REPS2: variants seen among roughly 807,000 people sequenced by gnomAD.
REPS2 encodes RALBP1 associated Eps domain containing 2.
REPS2 carries 23 observed loss-of-function variants against 53.6 expected under a neutral mutation model. The observed-to-expected ratio is 0.43, with a 90% CI of 0.31 to 0.61. The LOEUF (loss-of-function observed/expected upper bound fraction) is 0.61, where lower values mean the gene tolerates loss of function less well. REPS2 is among the 20% of genes least tolerant of loss of function. REPS2 has a pLI of 0.11. For missense variants in REPS2, 446 were observed against 534.9 expected (o/e 0.83, Z 1.64); for synonymous variants, 238 against 218.6 (o/e 1.09, Z -0.78).
At chrX:16,953,181 T>A (rs957502422) in intron 1 of REPS2, among the ~76,000 whole-genome samples, 5 of 110,921 alleles carry the variant, frequency 4.5e-5, no homozygotes, top group Non-Finnish European at 9.4e-5. Flanking sequence ...AACTATATGC[T>A]GTTTTAGATT....
At chrX:17,059,115 A>G (rs1414917041) in intron 8 of REPS2, among the ~76,000 whole-genome samples, 1 of 103,320 alleles carries the variant, frequency 9.7e-6, no homozygotes, top group East Asian at 3.0e-4. Context: ...GGTTCATGCC[A>G]TTCTCCTGCC....
intron 13 of REPS2, 36 bp downstream of exon 13, chrX:17,077,443 C>G: frequency 8.7e-7 from 1 of 1,146,249 alleles, no homozygotes; most frequent in East Asian, 3.1e-5. Context: ...CCTTCCATTT[C>G]CTGTTGGAGC....
intron 1 of REPS2, among the ~76,000 whole-genome samples, chrX:16,976,295 A>T (rs915732698): frequency 2.7e-5 from 3 of 111,507 alleles, no homozygotes; most frequent in Non-Finnish European, 5.7e-5. Context: ...AAGCATTTTT[A>T]TTCTGAAAGT....
intron 1 of REPS2, among the ~76,000 whole-genome samples, chrX:16,972,373 T>TATCATTTATC (rs1303849722): frequency 8.9e-6 from 1 of 112,319 alleles, no homozygotes; most frequent in East Asian, 2.8e-4. Flanking sequence ...TTTCTATGTG[T>TATCATTTATC]ATATGAATGA....
At position 17,023,152 on chromosome X, in the gene REPS2, G is replaced by A. The variant is rs191567461; in HGVS notation, c.546+881G>A. ...TTATTATAGGAACACTTGAGGCTGG[G>A]CACGGTGGCTCACGCCTGTAATCCC... On this transcript the variant is annotated intron_variant, in intron 3 of 17. Coordinates refer to ENST00000357277, the MANE Select transcript of REPS2 (RefSeq NM_004726.3). Among the ~76,000 whole-genome samples, 158 of 112,842 alleles carry A rather than the reference G, an allele frequency of 1.4e-3. 1 individual carries two copies. Among genetic ancestry groups the A allele is most frequent in the Non-Finnish European group, 1.2e-3 (63 of 53,312 alleles).
At chrX:17,193,650 CT>C in the REPS2 span, among the ~76,000 whole-genome samples, 1 of 111,596 alleles carries the variant, frequency 9.0e-6, no homozygotes, top group African/African-American at 3.3e-5. Flanking sequence ...TGCTTGGAAG[CT>C]TTTTCTGGTA....
intron 9 of REPS2, among the ~76,000 whole-genome samples, chrX:17,063,586 T>C (rs2062186103): frequency 8.9e-6 from 1 of 111,815 alleles, no homozygotes; most frequent in African/African-American, 3.3e-5. Context: ...TTTCTACTCA[T>C]GGGAAAAAGA....
chrX:16,997,375 A>G (rs1237997339), intron 1 of REPS2, among the ~76,000 whole-genome samples: 1 of 111,687 alleles, frequency 9.0e-6, no homozygotes, highest in Non-Finnish European at 1.9e-5. Context: ...TTCCTTCTAA[A>G]CCAGTGGGGT....
At chrX:17,037,304 A>G (rs138627822) in intron 5 of REPS2, among the ~76,000 whole-genome samples, 318 of 108,578 alleles carry the variant, frequency 2.9e-3, no homozygotes, top group African/African-American at 9.9e-3. Flanking sequence ...TTTTCTTTTC[A>G]TTGATTGATT....
intron 1 of REPS2, among the ~76,000 whole-genome samples, chrX:16,965,857 C>T (rs1035385706): frequency 6.2e-5 from 7 of 112,828 alleles, no homozygotes; most frequent in Non-Finnish European, 9.4e-5. Flanking sequence ...TCTGCAATCC[C>T]GGCACCTCGG....
At chrX:17,125,148 C>T (rs748514991) in intron 14 of REPS2, among the ~76,000 whole-genome samples, 7 of 110,950 alleles carry the variant, frequency 6.3e-5, no homozygotes, top group South Asian at 7.7e-4. Context: ...CCACCATGCC[C>T]GGCCAGACTA....
At chrX:17,161,721 C>A in the REPS2 span, among the ~76,000 whole-genome samples, 108 of 111,245 alleles carry the variant, frequency 9.7e-4, no homozygotes, top group African/African-American at 3.4e-3. Context: ...TATTTTAAGC[C>A]ACTAAGTTTA....
chrX:17,078,554 G>A (rs773699731), intron 13 of REPS2, among the ~76,000 whole-genome samples: 1 of 112,245 alleles, frequency 8.9e-6, no homozygotes, highest in African/African-American at 3.2e-5. Context: ...ATAGTGACTG[G>A]TATGTAGGGT....
chrX:17,152,534 G>C lies in REPS2; in HGVS notation c.*5053G>C, dbSNP rs1232445415. 8.9e-6 allele frequency: 1 copy of C among 111,940 alleles called. No homozygotes were observed. The highest frequency in any genetic ancestry group is 3.2e-5 in the African/African-American group (1 of 30,794). 9.2% of individuals were successfully genotyped at this position (111,940 alleles called of 1,213,427 possible). On this transcript the variant is annotated 3_prime_UTR_variant, in exon 18 of 18. Coordinates refer to ENST00000357277, the MANE Select transcript of REPS2 (RefSeq NM_004726.3). ...CCAGCAGACACCAGACTTTAAAAGT[G>C]CTTAAATTGGAATTTGGAAACTACA...
chrX:17,184,895 C>T, the REPS2 span, among the ~76,000 whole-genome samples: 1 of 112,022 alleles, frequency 8.9e-6, no homozygotes, highest in Admixed American at 9.5e-5. Flanking sequence ...TTATCATGGC[C>T]ATCTATTTGT....
intron 16 of REPS2, 162 bp downstream of exon 16, chrX:17,135,568 T>C: frequency 1.7e-6 from 1 of 602,281 alleles, no homozygotes; most frequent in East Asian, 3.6e-5. Context: ...CCCAGTCACA[T>C]AGAAGGCTTT....
the REPS2 span, among the ~76,000 whole-genome samples, chrX:17,159,602 G>A: frequency 1.8e-4 from 20 of 111,468 alleles, no homozygotes; most frequent in Non-Finnish European, 3.2e-4. Context: ...GCTTCTCTGT[G>A]CCTCACTCCA....
the REPS2 span, among the ~76,000 whole-genome samples, chrX:17,171,696 AT>A: frequency 9.6e-6 from 1 of 104,212 alleles, no homozygotes; most frequent in Non-Finnish European, 2.0e-5. Context: ...ATTTTTATGT[AT>A]TTTTTTTTTG....
the REPS2 span, among the ~76,000 whole-genome samples, chrX:17,183,156 G>C: frequency 5.3e-5 from 6 of 112,302 alleles, no homozygotes; most frequent in South Asian, 2.2e-3. Context: ...GAACTTACTA[G>C]GGAAAATTTG....
Sources: gnomAD v4.1 joint callset for allele counts (sites outside exome capture counted in the v4.1 genomes callset) on GRCh38, gnomAD v4.1.1 for gene constraint, MANE v1.5 for transcripts, NCBI Gene and HGNC (gene_info 2026-07-23, HGNC 2026-07-21) for gene names.